Variants in TRIQK observed in about 807,000 individuals in gnomAD.
TRIQK encodes triple QxxK/R motif containing.
In TRIQK, 10 loss-of-function variants were observed where a neutral mutation model predicts 10.8. That is an observed-to-expected ratio of 0.92 (90% confidence interval 0.57 to 1.57). The LOEUF (loss-of-function observed/expected upper bound fraction) is 1.57. Ranked by LOEUF, TRIQK falls within the 40% of genes most tolerant of loss-of-function variation. The pLI, the probability that TRIQK is intolerant of heterozygous loss-of-function variation, is 0.00. For missense variants in TRIQK, 107 were observed against 97.7 expected (o/e 1.09, Z -0.40); for synonymous variants, 33 against 33.7 (o/e 0.98, Z 0.07).
chr8:93,004,635 A>G (rs945367390), intron 1 of TRIQK, among the ~76,000 whole-genome samples: 2 of 152,168 alleles, frequency 1.3e-5, no homozygotes, highest in Non-Finnish European at 2.9e-5. Context: ...TCCCTTTTCA[A>G]TATAAGTTCT....
At chr8:93,005,793 G>C (rs980207709) in intron 1 of TRIQK, among the ~76,000 whole-genome samples, 1 of 151,974 alleles carries the variant, frequency 6.6e-6, no homozygotes, top group African/African-American at 2.4e-5. Context: ...CATTGTACTA[G>C]AAGCCCTGCC....
chr8:92,985,270 A>G (rs1326999203), intron 1 of TRIQK, among the ~76,000 whole-genome samples: 5 of 152,182 alleles, frequency 3.3e-5, no homozygotes, highest in Non-Finnish European at 1.5e-5. Context: ...GCACATGCAC[A>G]AAACACAGAG....
At chr8:92,919,586 C>A (rs1464226509) in intron 2 of TRIQK, among the ~76,000 whole-genome samples, 1 of 151,542 alleles carries the variant, frequency 6.6e-6, no homozygotes, top group Non-Finnish European at 1.5e-5. Context: ...AGCGATATTA[C>A]CTTGTAGTAT....
chr8:92,992,947 G>A (rs1813112470), intron 1 of TRIQK, among the ~76,000 whole-genome samples: 1 of 152,144 alleles, frequency 6.6e-6, no homozygotes, highest in Admixed American at 6.5e-5. Flanking sequence ...TTAACAACCA[G>A]TCAGGAGAAG....
At chr8:92,944,452 T>C (rs979626812) in intron 2 of TRIQK, among the ~76,000 whole-genome samples, 7 of 152,002 alleles carry the variant, frequency 4.6e-5, no homozygotes, top group Non-Finnish European at 1.5e-5. Context: ...AGAGATGAAA[T>C]CAACCTAAGT....
At chr8:92,992,897 A>G (rs1423206567) in intron 1 of TRIQK, among the ~76,000 whole-genome samples, 1 of 152,204 alleles carries the variant, frequency 6.6e-6, no homozygotes, top group Non-Finnish European at 1.5e-5. Flanking sequence ...AAAATTCCAA[A>G]CTAGCTCAAC....
chr8:92,939,052 G>A (rs2130596745), intron 2 of TRIQK, among the ~76,000 whole-genome samples: 1 of 152,140 alleles, frequency 6.6e-6, no homozygotes, highest in Non-Finnish European at 1.5e-5. Context: ...CCAGATAATG[G>A]AACTGCAATT....
chr8:92,993,173 G>T (rs1813115568), intron 1 of TRIQK, among the ~76,000 whole-genome samples: 1 of 152,142 alleles, frequency 6.6e-6, no homozygotes, highest in Non-Finnish European at 1.5e-5. Flanking sequence ...TGGTGCAAAT[G>T]AAGTGAGTTT....
intron 3 of TRIQK, among the ~76,000 whole-genome samples, chr8:92,897,850 TG>T (rs1291442841): frequency 6.6e-6 from 1 of 152,076 alleles, no homozygotes; most frequent in Non-Finnish European, 1.5e-5. Context: ...TACATCTCCA[TG>T]CTACAACAGA....
At chr8:92,888,080 TGTGTTCCCAG>T (rs1816576265) in intron 4 of TRIQK, among the ~76,000 whole-genome samples, 1 of 151,792 alleles carries the variant, frequency 6.6e-6, no homozygotes, top group East Asian at 1.9e-4. Context: ...TATCCACAGC[TGTGTTCCCAG>T]ACCCATCTGG....
intron 2 of TRIQK, among the ~76,000 whole-genome samples, chr8:92,927,007 T>C (rs1249482934): frequency 3.3e-5 from 5 of 152,078 alleles, no homozygotes; most frequent in Non-Finnish European, 7.4e-5. Flanking sequence ...GCTCTGATCA[T>C]GCCACTGCAC....
chr8:92,940,924 G>A (rs1811239022), intron 2 of TRIQK, among the ~76,000 whole-genome samples: 1 of 152,048 alleles, frequency 6.6e-6, no homozygotes, highest in African/African-American at 2.4e-5. Context: ...ATAATATCAA[G>A]TATCTTTCTG....
intron 1 of TRIQK, among the ~76,000 whole-genome samples, chr8:93,012,788 T>C (rs1057290283): frequency 6.6e-6 from 1 of 152,190 alleles, no homozygotes; most frequent in Non-Finnish European, 1.5e-5. Context: ...TCCTAAATAA[T>C]GTAATGCAGT....
rs576883080 is a variant in TRIQK, at chr8:92,906,939, G to T, written c.61+9990C>A. Among the ~76,000 whole-genome samples, 4 of 151,996 alleles carry T rather than the reference G, an allele frequency of 2.6e-5. No homozygotes were observed. The South Asian group carries it at 8.3e-4, about 32-fold the overall frequency. ...CTGGACTTAGTGAACAGCAGCTCAAGCTTGATTGGGATATATGTTTGGGTA... is the reference window on the plus strand; with the variant it reads ...CTGGACTTAGTGAACAGCAGCTCAATCTTGATTGGGATATATGTTTGGGTA... On this transcript the variant is annotated intron_variant, in intron 3 of 4. Transcript: ENST00000521988.
At chr8:92,980,971 T>G (rs1334962830) in intron 1 of TRIQK, among the ~76,000 whole-genome samples, 1 of 151,592 alleles carries the variant, frequency 6.6e-6, no homozygotes, top group African/African-American at 2.4e-5. Context: ...AATTTTATCT[T>G]TATTATTTTA....
chr8:92,974,929 C>T (rs1812916086), intron 1 of TRIQK, among the ~76,000 whole-genome samples: 1 of 152,198 alleles, frequency 6.6e-6, no homozygotes, highest in Non-Finnish European at 1.5e-5. Flanking sequence ...ACAGAAATAA[C>T]TAGCTATTTT....
chr8:92,966,705 T>A (rs1586515285), upstream of TRIQK, among the ~76,000 whole-genome samples: 1 of 152,114 alleles, frequency 6.6e-6, no homozygotes, highest in East Asian at 1.9e-4. Flanking sequence ...TAAATTATAC[T>A]CATGTAATCC....
At chr8:93,009,515 A>C (rs1365174620) in intron 1 of TRIQK, among the ~76,000 whole-genome samples, 1 of 152,118 alleles carries the variant, frequency 6.6e-6, no homozygotes, top group Non-Finnish European at 1.5e-5. Context: ...AGGCTGAGGC[A>C]GGAGAATCGC....
At chr8:92,925,607 T>C (rs1810408285) in intron 2 of TRIQK, among the ~76,000 whole-genome samples, 1 of 152,128 alleles carries the variant, frequency 6.6e-6, no homozygotes, top group Non-Finnish European at 1.5e-5. Flanking sequence ...AAATAAGATA[T>C]ATAAATGACA....
Sources: allele counts gnomAD v4.1 joint callset (sites outside exome capture counted in the v4.1 genomes callset), GRCh38; gene constraint gnomAD v4.1.1; transcripts MANE v1.5; gene names NCBI Gene and HGNC (gene_info 2026-07-23, HGNC 2026-07-21).